Variants in AUTS2 observed in about 807,000 individuals in gnomAD.
AUTS2 encodes the protein activator of transcription and developmental regulator AUTS2, also known as autism susceptibility gene 2 protein.
In AUTS2, 17 loss-of-function variants were observed where a neutral mutation model predicts 112.4. The observed-to-expected ratio is 0.15, with a 90% CI of 0.10 to 0.23. The LOEUF is 0.23. AUTS2 is among the 10% of genes least tolerant of loss of function. AUTS2 has a pLI of 1.00. For synonymous variants in AUTS2, 751 were observed against 702.7 expected, an observed-to-expected ratio of 1.07 and a Z score of -1.09; for missense variants, 1,510 against 1,701.6, an observed-to-expected ratio of 0.89 and a Z score of 1.98.
At chr7:70,108,996 T>A (rs1425141708) in intron 2 of AUTS2, among the ~76,000 whole-genome samples, 1 of 152,056 alleles carries the variant, frequency 6.6e-6, no homozygotes, top group Admixed American at 6.6e-5. Context: ...GATGACAAGG[T>A]GTTCCAGACT....
intron 1 of AUTS2, among the ~76,000 whole-genome samples, chr7:69,636,482 C>A (rs1223300102): frequency 1.6e-5 from 1 of 63,076 alleles, no homozygotes; most frequent in African/African-American, 6.1e-5. Flanking sequence ...TGATCCGCGC[C>A]CCCCCCCCCC....
intron 4 of AUTS2, among the ~76,000 whole-genome samples, chr7:70,152,096 T>C (rs903515304): frequency 6.6e-6 from 1 of 152,154 alleles, no homozygotes; most frequent in African/African-American, 2.4e-5. Context: ...GAGAAAAGAT[T>C]AGTTAACTTG....
At chr7:69,693,113 A>G (rs1797417156) in intron 1 of AUTS2, among the ~76,000 whole-genome samples, 1 of 152,228 alleles carries the variant, frequency 6.6e-6, no homozygotes, top group African/African-American at 2.4e-5. Context: ...TGACTCTGTC[A>G]TTAATTACCT....
chr7:69,983,265 G>A (rs1241515591), intron 2 of AUTS2, among the ~76,000 whole-genome samples: 1 of 150,870 alleles, frequency 6.6e-6, no homozygotes, highest in Non-Finnish European at 1.5e-5. Context: ...TTTCTATGTG[G>A]CATTTCTCAC....
chr7:70,365,172 C>T (rs1226884980), intron 4 of AUTS2, among the ~76,000 whole-genome samples: 1 of 152,162 alleles, frequency 6.6e-6, no homozygotes, highest in Non-Finnish European at 1.5e-5. Context: ...GATTTTCTCC[C>T]CTAGTATCTT....
At chr7:70,568,491 T>C (rs1313854582) in intron 5 of AUTS2, among the ~76,000 whole-genome samples, 1 of 152,146 alleles carries the variant, frequency 6.6e-6, no homozygotes, top group Non-Finnish European at 1.5e-5. Flanking sequence ...GTGTTCAAGG[T>C]GAACTTTTTA....
intron 2 of AUTS2, among the ~76,000 whole-genome samples, chr7:69,914,534 G>A (rs1361994833): frequency 6.6e-6 from 1 of 151,900 alleles, no homozygotes. Flanking sequence ...TGCGTGGACC[G>A]TGTCTGCTGT....
At chr7:70,070,004 ATCTC>A (rs1190177487) in intron 2 of AUTS2, among the ~76,000 whole-genome samples, 1 of 152,118 alleles carries the variant, frequency 6.6e-6, no homozygotes, top group Non-Finnish European at 1.5e-5. Context: ...TAAATCATAA[ATCTC>A]TCTATTTTTG....
chr7:70,606,540 C>T (rs1289915170), intron 5 of AUTS2, among the ~76,000 whole-genome samples: 1 of 152,096 alleles, frequency 6.6e-6, no homozygotes, highest in Non-Finnish European at 1.5e-5. Flanking sequence ...CGCCCATAAG[C>T]TTTTCAAAAT....
intron 4 of AUTS2, among the ~76,000 whole-genome samples, chr7:70,164,242 T>TAGATGTAATTGTTATA (rs545077174): frequency 6.6e-6 from 1 of 152,234 alleles, no homozygotes; most frequent in Non-Finnish European, 1.5e-5. Context: ...TTGTTATAAG[T>TAGATGTAATTGTTATA]AGATGTAATT....
At chr7:69,999,885 G>T (rs1799108796) in intron 2 of AUTS2, among the ~76,000 whole-genome samples, 1 of 152,188 alleles carries the variant, frequency 6.6e-6, no homozygotes, top group Admixed American at 6.6e-5. Flanking sequence ...AGAGGTGGTG[G>T]AAGATGGATT....
chr7:70,130,983 C>T (rs1806240864), intron 3 of AUTS2, among the ~76,000 whole-genome samples: 1 of 152,160 alleles, frequency 6.6e-6, no homozygotes, highest in Admixed American at 6.5e-5. Context: ...ATTTCAAATG[C>T]TTTTGAAACC....
chr7:70,088,871 A>G (rs1033349515), intron 2 of AUTS2, among the ~76,000 whole-genome samples: 2 of 152,146 alleles, frequency 1.3e-5, no homozygotes, highest in African/African-American at 2.4e-5. Context: ...TTTCTAATAC[A>G]GTTTAATGCT....
chr7:70,601,413 G>A (rs1803465625), intron 5 of AUTS2, among the ~76,000 whole-genome samples: 1 of 152,136 alleles, frequency 6.6e-6, no homozygotes, highest in Non-Finnish European at 1.5e-5. Context: ...CCAGTCCTGT[G>A]CAGGTGTTTT....
At chr7:70,310,127 C>T (rs895451802) in intron 4 of AUTS2, among the ~76,000 whole-genome samples, 2 of 149,544 alleles carry the variant, frequency 1.3e-5, no homozygotes, top group African/African-American at 4.9e-5. Flanking sequence ...TGAAAACAAA[C>T]TAAATCTTTT....
chr7:70,542,120 G>A (rs777944670), intron 5 of AUTS2, among the ~76,000 whole-genome samples: 10 of 152,026 alleles, frequency 6.6e-5, no homozygotes, highest in Non-Finnish European at 1.2e-4. Flanking sequence ...ATGTATTTAT[G>A]TCTCACTGAA....
rs151276705 is a variant in AUTS2, at chr7:70,640,683, T to G, written c.691-57886T>G. On this transcript the variant is annotated intron_variant, in intron 5 of 18. Transcript: ENST00000342771. ...GGGATTGAAAGACGGCTTGGTTCCC[T>G]TGGCTAGGAGTGTGGGCCTAGAACA... Among the ~76,000 whole-genome samples the G allele has an allele frequency of 1.3e-3, 193 of 152,246 alleles. 1 individual carries two copies. Among genetic ancestry groups the G allele is most frequent in the Middle Eastern group, 3.4e-3 (1 of 294 alleles).
rs147137157 is a variant in AUTS2 at position 69,720,160 on chromosome 7, A to C, written c.309+120198A>C. ...AGCTGATGGGTTGGCTACCTGAACA[A>C]TTATGTCTGGAATCTCAGCCAGCAG... On this transcript the variant is annotated intron_variant, in intron 1 of 18. Coordinates refer to ENST00000342771, the MANE Select transcript of AUTS2 (RefSeq NM_015570.4). 3.3e-5 allele frequency among the ~76,000 whole-genome samples: 5 copies of C among 152,312 alleles called. No individual in the cohort carries two copies. The East Asian group carries it at 9.6e-4, about 29-fold the overall frequency.
chr7:70,711,830 G>A (rs71549375), intron 6 of AUTS2, among the ~76,000 whole-genome samples: 40,927 of 152,026 alleles, frequency 0.27, 5,801 homozygotes, highest in Middle Eastern at 0.36. Context: ...TCGGAGAGGG[G>A]TCCCAAGTAC....
Sources: gnomAD v4.1 joint callset for allele counts (sites outside exome capture counted in the v4.1 genomes callset) on GRCh38, gnomAD v4.1.1 for gene constraint, MANE v1.5 for transcripts, NCBI Gene and HGNC (gene_info 2026-07-23, HGNC 2026-07-21) for gene names.